The following CERK variants were observed in gnomAD, a reference collection of about 807,000 sequenced individuals.
CERK encodes the protein ceramide kinase.
CERK carries 39 observed loss-of-function variants against 63.4 expected under a neutral mutation model. That is an observed-to-expected ratio of 0.61 (90% CI 0.48 to 0.80). The LOEUF is 0.80. CERK is among the 30% of genes least tolerant of loss of function. The pLI, the probability that CERK is intolerant of heterozygous loss-of-function variation, is 0.00. For synonymous variants in CERK, 302 were observed against 280.0 expected, an observed-to-expected ratio of 1.08 and a Z score of -0.78; for missense variants, 670 against 714.1, an observed-to-expected ratio of 0.94 and a Z score of 0.70.
In CERK at chr22:46,684,974, T is replaced by C. The variant is rs2082691995; in HGVS notation, c.*2160A>G. 1 of 152,208 alleles carries C rather than the reference T, an allele frequency of 6.6e-6. No homozygotes were observed. The highest frequency in any genetic ancestry group is 1.5e-5 in the Non-Finnish European group (1 of 68,040). 9.4% of individuals were successfully genotyped at this position (152,208 alleles called of 1,614,324 possible). On this transcript the variant is annotated 3_prime_UTR_variant, in exon 13 of 13. Coordinates refer to ENST00000216264, the MANE Select transcript of CERK (RefSeq NM_022766.6). ...ACCAGCCATGCGGAATGGCTGGGTT[T>C]CTTATTGAACATGAAATGCTTCCTC...
chr22:46,700,211 T>A (rs1334684412), intron 7 of CERK, among the ~76,000 whole-genome samples: 2 of 150,762 alleles, frequency 1.3e-5, no homozygotes, highest in East Asian at 4.0e-4. Flanking sequence ...CTGGTCAACA[T>A]GGTGAAACCC....
At chr22:46,731,831 G>A (rs1569331613) in intron 1 of CERK, among the ~76,000 whole-genome samples, 1 of 152,204 alleles carries the variant, frequency 6.6e-6, no homozygotes, top group Non-Finnish European at 1.5e-5. Flanking sequence ...AGCAGGGCAG[G>A]GTGTCTAAAC....
chr22:46,727,319 A>G (rs1347932061), intron 1 of CERK, among the ~76,000 whole-genome samples: 1 of 151,608 alleles, frequency 6.6e-6, no homozygotes, highest in African/African-American at 2.4e-5. Context: ...TCACTGTGTC[A>G]CCCAGGCTGG....
chr22:46,703,556 G>A (rs150761346), intron 6 of CERK, among the ~76,000 whole-genome samples: 83 of 152,236 alleles, frequency 5.5e-4, no homozygotes, highest in African/African-American at 1.9e-3. Context: ...CATGGTGACC[G>A]TTACAGGGCC....
In CERK at chr22:46,712,231, G is replaced by A. The variant is rs550827993; in HGVS notation, c.442C>T (p.Arg148Trp). Residue 148 changes from arginine (R) to tryptophan (W), a missense_variant, in exon 4 of 13, where the codon CGG becomes TGG. Physicochemically the swap from Arg to Trp is moderately radical, Grantham distance 101. Transcript: ENST00000216264. ...GGTGCCACTTTTCTTTCATATATCC[G>A]CTTGCCTTGTCCTTTTCCTCCAAAC... The part of the protein sequence containing the change: ...NPFGGKGQGK[R>W]IYERKVAPLF... 32 of 1,613,916 alleles carry A rather than the reference G, an allele frequency of 2.0e-5. No individual in the cohort carries two copies. Among genetic ancestry groups the A allele is most frequent in the Middle Eastern group, 3.3e-4 (2 of 6,058 alleles).
At chr22:46,707,694 TCCCCCCA>T in intron 6 of CERK, 142 bp downstream of exon 6, 1 of 861,642 alleles carries the variant, frequency 1.2e-6, no homozygotes, top group Non-Finnish European at 1.8e-6. Context: ...CTCAATGATA[TCCCCCCA>T]AGAGTGGCCC....
At chr22:46,736,530 T>A (rs2082974571) in intron 1 of CERK, among the ~76,000 whole-genome samples, 1 of 152,208 alleles carries the variant, frequency 6.6e-6, no homozygotes, top group Admixed American at 6.5e-5. Flanking sequence ...GAGGCAGTCA[T>A]CTTCCTGAAG....
intron 1 of CERK, among the ~76,000 whole-genome samples, chr22:46,724,791 G>A (rs1280721261): frequency 6.6e-6 from 1 of 152,124 alleles, no homozygotes; most frequent in South Asian, 2.1e-4. Flanking sequence ...AGGCTAAGGT[G>A]GGCGGATCAC....
chr22:46,704,824 CA>C (rs11431926), intron 6 of CERK, among the ~76,000 whole-genome samples: 3,453 of 83,640 alleles, frequency 0.041, 37 homozygotes, highest in Middle Eastern at 0.14. Flanking sequence ...GACTCCATCT[CA>C]AAAAAAAAAA....
chr22:46,709,585 G>A (rs1304327405), intron 5 of CERK, among the ~76,000 whole-genome samples: 4 of 152,168 alleles, frequency 2.6e-5, no homozygotes, highest in Non-Finnish European at 1.5e-5. Context: ...AGAGTGCTGG[G>A]ACCTGGAGGA....
rs1446384610 is a variant in CERK at position 46,690,111 on chromosome 22, CT to C, written c.1421del (p.Glu474GlyfsTer77). The stretch of plus-strand genomic sequence containing the variant: ...TGTGCCCAAAGCGCTTCTTCCCCCC[CT>C]CCTTGAGGTCGCTGTCCTCATCCTC... ...HMEDEDSDLK[E>X]GGKKRFGHIC... On this transcript the variant is annotated frameshift_variant, in exon 12 of 13. Transcript: ENST00000216264. LOFTEE classifies it high-confidence loss of function. 16 of 1,613,996 alleles carry C rather than the reference CT, an allele frequency of 9.9e-6. No individual in the cohort carries two copies. The highest frequency in any genetic ancestry group is 1.3e-5 in the Non-Finnish European group (15 of 1,180,032).
intron 1 of CERK, among the ~76,000 whole-genome samples, chr22:46,723,942 C>T (rs191032869): frequency 1.3e-5 from 2 of 152,242 alleles, no homozygotes; most frequent in Admixed American, 6.5e-5. Context: ...AGGTGATCTG[C>T]CCGCCTCGGC....
intron 6 of CERK, among the ~76,000 whole-genome samples, chr22:46,705,197 C>T (rs1308424482): frequency 6.6e-6 from 1 of 152,232 alleles, no homozygotes; most frequent in Non-Finnish European, 1.5e-5. Context: ...CTCTGAGAGC[C>T]ACACGTGCAC....
At chr22:46,692,904 CAAAAAAAAA>C (rs34255348) in intron 10 of CERK, among the ~76,000 whole-genome samples, 12 of 92,958 alleles carry the variant, frequency 1.3e-4, no homozygotes, top group Non-Finnish European at 2.5e-4. Flanking sequence ...AAACTCCATC[CAAAAAAAAA>C]AAAAAAAAAA....
chr22:46,707,659 G>A (rs1050922816), intron 6 of CERK, among the ~76,000 whole-genome samples, 184 bp downstream of exon 6: 2 of 152,206 alleles, frequency 1.3e-5, no homozygotes, highest in Admixed American at 6.5e-5. Context: ...CTTTCCACGA[G>A]TGTCTATTTC....
chr22:46,713,389 G>A (rs1340517825), intron 3 of CERK, among the ~76,000 whole-genome samples: 1 of 150,984 alleles, frequency 6.6e-6, no homozygotes, highest in Non-Finnish European at 1.5e-5. Flanking sequence ...GGCACCTGTA[G>A]TCCCAGCTAC....
At position 46,714,985 on chromosome 22, in the gene CERK, GA is replaced by G. The variant is rs369108537; in HGVS notation, c.380-2693del. ...ATTAATGTAACTCAACACATTAATT[GA>G]AAAAAAAAAAGAAAGTCATACAGTC... is the stretch of plus-strand genomic sequence containing the variant. On this transcript the variant is annotated intron_variant, in intron 3 of 12. Transcript: ENST00000216264. This position sits in a 1 kb window ranked among gnomAD's most constrained non-coding sequence, Gnocchi z 4.4. Among the ~76,000 whole-genome samples, 38 of 140,014 alleles carry G rather than the reference GA, an allele frequency of 2.7e-4. No individual in the cohort carries two copies. Among genetic ancestry groups the G allele is most frequent in the East Asian group, 4.1e-4 (2 of 4,852 alleles). The allele number at this position is 140,014 out of a possible 152,430, so 91.9% of individuals were successfully genotyped here. A position where few individuals can be genotyped will look rare whatever the true frequency, so the allele number is the denominator to read the frequency against.
chr22:46,707,921 T>C lies in CERK; in HGVS notation c.637A>G (p.Arg213Gly). Residue 213 changes from arginine to glycine, a missense_variant, in exon 6 of 13, where the codon AGG (arginine) becomes GGG (glycine). Transcript: ENST00000216264. ...VLHGLIGRTQ[R>G]SAGVDQNHPR... ...TGGTTCTGGTCGACCCCGGCGCTCCTCTGCGTCCTCCCAATCAGACCGTGC... is the reference window on the plus strand; with the variant it reads ...TGGTTCTGGTCGACCCCGGCGCTCCCCTGCGTCCTCCCAATCAGACCGTGC... The C allele has an allele frequency of 6.2e-7, 1 of 1,613,966 alleles. No individual in the cohort carries two copies. Among genetic ancestry groups the C allele is most frequent in the African/African-American group, 1.3e-5 (1 of 75,062 alleles).
chr22:46,693,771 T>C (rs1051952731), intron 9 of CERK: 3 of 414,426 alleles, frequency 7.2e-6, no homozygotes, highest in African/African-American at 6.1e-5. Flanking sequence ...GGAGACGGTT[T>C]CTGCCTGGCC....
Sources: gnomAD v4.1 joint callset for allele counts (sites outside exome capture counted in the v4.1 genomes callset) on GRCh38, gnomAD v4.1.1 for gene constraint, Gnocchi (gnomAD v3.1) non-coding constraint, MANE v1.5 for transcripts, NCBI Gene and HGNC (gene_info 2026-07-23, HGNC 2026-07-21) for gene names.